FRMD4B: variants seen among roughly 807,000 people sequenced by gnomAD.
The protein encoded by FRMD4B is FERM domain containing 4B, also known as FERM domain-containing protein 4B.
In FRMD4B, 74 loss-of-function variants were observed where a neutral mutation model predicts 141.5. The ratio of observed to expected loss-of-function variants is 0.52; its 90% CI spans 0.43 to 0.63. The LOEUF (loss-of-function observed/expected upper bound fraction) is 0.63. FRMD4B is among the 30% of genes least tolerant of loss of function. The probability of loss-of-function intolerance (pLI) is 0.00; values close to 1 mark genes in which losing one functional copy is unlikely to be tolerated. For missense variants in FRMD4B, 1,366 were observed against 1,253.4 expected (o/e 1.09, Z -1.36); for synonymous variants, 506 against 467.9 (o/e 1.08, Z -1.05).
chr3:69,494,262 T>G (rs146929876), intron 1 of FRMD4B, among the ~76,000 whole-genome samples: 29 of 152,230 alleles, frequency 1.9e-4, no homozygotes, highest in Middle Eastern at 6.8e-3. Context: ...GTATACTGGG[T>G]GGGTCCAGGG....
chr3:69,281,607 C>T (rs1031375161), intron 5 of FRMD4B, among the ~76,000 whole-genome samples: 3 of 151,844 alleles, frequency 2.0e-5, no homozygotes, highest in African/African-American at 7.3e-5. Context: ...GGGTGGATCA[C>T]CAGGTCAGGA....
intron 11 of FRMD4B, among the ~76,000 whole-genome samples, chr3:69,215,987 CT>C (rs1331353236): frequency 1.3e-5 from 2 of 152,118 alleles, no homozygotes; most frequent in African/African-American, 4.8e-5. Context: ...AACCCCGTCT[CT>C]ACTAAAAGTA....
intron 9 of FRMD4B, among the ~76,000 whole-genome samples, chr3:69,218,997 T>C (rs2093168037): frequency 6.6e-6 from 1 of 151,940 alleles, no homozygotes; most frequent in African/African-American, 2.4e-5. Flanking sequence ...ACCCCATCTC[T>C]ACTAAAAATA....
intron 1 of FRMD4B, among the ~76,000 whole-genome samples, chr3:69,324,344 T>C (rs1256153586): frequency 6.6e-6 from 1 of 152,270 alleles, no homozygotes; most frequent in African/African-American, 2.4e-5. Context: ...ATTCATTCAC[T>C]TAACCAATAT....
intron 1 of FRMD4B, among the ~76,000 whole-genome samples, chr3:69,499,691 C>CAGAGAG (rs149911069): frequency 4.0e-5 from 6 of 149,566 alleles, no homozygotes; most frequent in African/African-American, 7.3e-5. Flanking sequence ...AGCAGGAAGA[C>CAGAGAG]AGAGAGAGAG....
chr3:69,272,921 C>T (rs1181399087), intron 5 of FRMD4B, among the ~76,000 whole-genome samples: 1 of 152,162 alleles, frequency 6.6e-6, no homozygotes, highest in Non-Finnish European at 1.5e-5. Flanking sequence ...TAGAACTCTA[C>T]AAAAGTATGA....
At chr3:69,454,116 C>T (rs1045488432) in intron 1 of FRMD4B, among the ~76,000 whole-genome samples, 11 of 152,134 alleles carry the variant, frequency 7.2e-5, no homozygotes, top group African/African-American at 1.4e-4. Flanking sequence ...TGCTGTATCC[C>T]CAGCGATAAC....
chr3:69,378,982 C>T (rs1430017579), intron 1 of FRMD4B, among the ~76,000 whole-genome samples: 1 of 152,114 alleles, frequency 6.6e-6, no homozygotes, highest in Non-Finnish European at 1.5e-5. Flanking sequence ...GTTTAGACTC[C>T]CTCCACTGAT....
chr3:69,195,420 C>T, intron 14 of FRMD4B, 56 bp from the exon 15 acceptor site: 1 of 1,439,454 alleles, frequency 6.9e-7, no homozygotes, highest in Non-Finnish European at 9.4e-7. Context: ...TCCTTCCTTT[C>T]TAAGGGACAA....
At chr3:69,454,028 G>A (rs1382648911) in intron 1 of FRMD4B, among the ~76,000 whole-genome samples, 1 of 152,128 alleles carries the variant, frequency 6.6e-6, no homozygotes, top group African/African-American at 2.4e-5. Context: ...TCCTCCTCAG[G>A]CCTATACCAT....
chr3:69,307,013 G>A (rs1043440159), intron 3 of FRMD4B, among the ~76,000 whole-genome samples: 1 of 152,098 alleles, frequency 6.6e-6, no homozygotes, highest in Non-Finnish European at 1.5e-5. Context: ...TCCCCAGAAA[G>A]GTAGAAATGG....
At chr3:69,249,341 C>T in intron 6 of FRMD4B, 93 bp from the exon 7 acceptor site, 1 of 835,050 alleles carries the variant, frequency 1.2e-6, no homozygotes. Flanking sequence ...CTTAAAGTTC[C>T]TGAGTTTTGT....
chr3:69,269,628 A>C lies in FRMD4B; in HGVS notation c.501+18124T>G, dbSNP rs927907662. 3.3e-5 allele frequency among the ~76,000 whole-genome samples: 5 copies of C among 152,298 alleles called. No homozygotes were observed. In the South Asian group the frequency reaches 1.0e-3, roughly 32 times the overall value. On this transcript the variant is annotated intron_variant, in intron 5 of 22. Coordinates refer to ENST00000398540, the MANE Select transcript of FRMD4B (RefSeq NM_015123.3). ...TGAATTACTGACTTCACTTCAACCA[A>C]GAGTAAACTGTATTCTTTTTTGTTT... is the stretch of plus-strand genomic sequence containing the variant.
chr3:69,529,185 G>T (rs1396840643), intron 1 of FRMD4B, among the ~76,000 whole-genome samples: 5 of 152,206 alleles, frequency 3.3e-5, no homozygotes, highest in Non-Finnish European at 7.3e-5. Context: ...CTAGTCCGTT[G>T]CTGCCATGTG....
chr3:69,176,770 G>A, intron 21 of FRMD4B, 114 bp from the exon 22 acceptor site: 1 of 669,110 alleles, frequency 1.5e-6, no homozygotes, highest in Non-Finnish European at 2.5e-6. Context: ...AATTTAAGAG[G>A]GTTTGAAATA....
rs183062325 is a variant in FRMD4B, at chr3:69,394,569, G to A, written c.-1+38065C>T. Among the ~76,000 whole-genome samples the A allele has an allele frequency of 2.8e-3, 434 of 152,296 alleles. 6 individuals are homozygous for A. Among genetic ancestry groups the A allele is most frequent in the African/African-American group, 0.01 (421 of 41,566 alleles). On this transcript the variant is annotated intron_variant, in intron 2 of 5. Coordinates refer to the FRMD4B transcript ENST00000459638. Reference sequence around the variant, plus strand: ...TAGGAACACTTTTATACTGTTGGTGGGAGTGTAAATTAGTTCAACTATTGT... The same window carrying A: ...TAGGAACACTTTTATACTGTTGGTGAGAGTGTAAATTAGTTCAACTATTGT...
chr3:69,487,325 A>G (rs1706231071), intron 1 of FRMD4B, among the ~76,000 whole-genome samples: 1 of 152,244 alleles, frequency 6.6e-6, no homozygotes, highest in Non-Finnish European at 1.5e-5. Context: ...TGAGAAAGTT[A>G]GAGATAAGGC....
chr3:69,363,012 A>G (rs563600589), intron 1 of FRMD4B, among the ~76,000 whole-genome samples: 48 of 151,616 alleles, frequency 3.2e-4, no homozygotes, highest in African/African-American at 1.0e-3. Context: ...AAAAACAAAC[A>G]AAAAGTGAAA....
chr3:69,192,193 G>C (rs1365028371), intron 17 of FRMD4B, among the ~76,000 whole-genome samples: 1 of 151,986 alleles, frequency 6.6e-6, no homozygotes, highest in African/African-American at 2.4e-5. Context: ...AGACCAGCCT[G>C]GGCAACATGG....
Sources: allele counts gnomAD v4.1 joint callset (sites outside exome capture counted in the v4.1 genomes callset), GRCh38; gene constraint gnomAD v4.1.1; transcripts MANE v1.5; gene names NCBI Gene and HGNC (gene_info 2026-07-23, HGNC 2026-07-21).